NT5DC3: variants seen among roughly 807,000 people sequenced by gnomAD.
NT5DC3 encodes the protein 5'-nucleotidase domain-containing protein 3.
In NT5DC3, 42 loss-of-function variants were observed where a neutral mutation model predicts 67.8. That is an observed-to-expected ratio of 0.62 (90% CI 0.48 to 0.80). NT5DC3 has a LOEUF of 0.80. Among genes scored for constraint, NT5DC3 ranks in the 30% least tolerant of loss-of-function variants. The pLI is 0.00. For missense variants in NT5DC3, 570 were observed against 696.4 expected (o/e 0.82, Z 2.04); for synonymous variants, 237 against 255.6 (o/e 0.93, Z 0.69).
At chr12:103,798,164 G>C (rs1292365832) in intron 5 of NT5DC3, among the ~76,000 whole-genome samples, 1 of 152,138 alleles carries the variant, frequency 6.6e-6, no homozygotes, top group Non-Finnish European at 1.5e-5. Context: ...CAAAAATTCT[G>C]AGTGGAAAGA....
chr12:103,812,423 A>G (rs1887071796), intron 2 of NT5DC3, among the ~76,000 whole-genome samples: 1 of 152,134 alleles, frequency 6.6e-6, no homozygotes, highest in Non-Finnish European at 1.5e-5. Context: ...CAAAGCAACA[A>G]ACAGACATAA....
chr12:103,779,294 A>C lies in NT5DC3; in HGVS notation c.1394+1006T>G, dbSNP rs1461401091. ...ATCAACATCCCTATCATACAAACAC[A>C]GGATGTGCACTCTCTCTGATGGCTG... On this transcript the variant is annotated intron_variant, in intron 13 of 13. Coordinates refer to ENST00000392876, the MANE Select transcript of NT5DC3 (RefSeq NM_001031701.3). 2.6e-5 allele frequency among the ~76,000 whole-genome samples: 4 copies of C among 152,150 alleles called. No homozygotes were observed. In the East Asian group the frequency reaches 7.7e-4, roughly 29 times the overall value.
rs914552727 is a variant in NT5DC3, at chr12:103,785,585, G to A, written c.1189-110C>T. The A allele has an allele frequency of 2.6e-5, 28 of 1,094,638 alleles. No individual in the cohort carries two copies. The Middle Eastern group carries it at 5.9e-4, about 23-fold the overall frequency. 67.8% of individuals were successfully genotyped at this position (1,094,638 alleles called of 1,614,324 possible). On this transcript the variant is annotated intron_variant, in intron 11 of 13. Transcript: ENST00000392876. ...CATTTAATTACTTTTTGATGGTAATGGTTAGTTATTCACCAAGCTGAATTC... is the reference window on the plus strand; with the variant it reads ...CATTTAATTACTTTTTGATGGTAATAGTTAGTTATTCACCAAGCTGAATTC...
intron 1 of NT5DC3, among the ~76,000 whole-genome samples, chr12:103,827,612 C>T (rs1031170666): frequency 2.6e-5 from 4 of 152,280 alleles, no homozygotes; most frequent in African/African-American, 9.6e-5. Flanking sequence ...GTTTATACAT[C>T]ATTATCTTAT....
intron 12 of NT5DC3, among the ~76,000 whole-genome samples, chr12:103,781,733 A>ATTT (rs1885559699): frequency 6.6e-6 from 1 of 152,340 alleles, no homozygotes; most frequent in South Asian, 2.1e-4. Context: ...TTTCAAAGAC[A>ATTT]GTGTGTGTTC....
chr12:103,751,912 G>A, the NT5DC3 span, among the ~76,000 whole-genome samples: 1 of 152,154 alleles, frequency 6.6e-6, no homozygotes, highest in African/African-American at 2.4e-5. Context: ...CCATTAGCTT[G>A]GGAGAATGCC....
At chr12:103,791,455 T>G (rs1010332688) in intron 9 of NT5DC3, among the ~76,000 whole-genome samples, 2 of 152,146 alleles carry the variant, frequency 1.3e-5, no homozygotes, top group Non-Finnish European at 2.9e-5. Flanking sequence ...TTCCTCTGCA[T>G]GCTTCAAAAC....
the NT5DC3 span, chr12:103,748,944 C>T: frequency 2.5e-6 from 4 of 1,605,632 alleles, no homozygotes; most frequent in Non-Finnish European, 3.4e-6. Flanking sequence ...GTTGAGCCCT[C>T]TCTCCTCTGC....
chr12:103,750,590 G>A, the NT5DC3 span: 10 of 1,614,198 alleles, frequency 6.2e-6, no homozygotes, highest in Non-Finnish European at 7.6e-6. Flanking sequence ...GCAAGCACAA[G>A]TGTGAGTGTA....
intron 4 of NT5DC3, among the ~76,000 whole-genome samples, chr12:103,801,372 C>CTTTTTTT (rs869237844): frequency 3.8e-5 from 3 of 78,946 alleles, no homozygotes; most frequent in African/African-American, 5.4e-5. Flanking sequence ...TTGGGGTGGG[C>CTTTTTTT]TTTTTTTTTT....
In NT5DC3 at chr12:103,806,307, T is replaced by A; in HGVS notation, c.524+15A>T. On this transcript the variant is annotated intron_variant, in intron 4 of 13. Coordinates refer to ENST00000392876, the MANE Select transcript of NT5DC3 (RefSeq NM_001031701.3). ...TTACTTCACGTAAATTAAATGTATC[T>A]CCTCTTACTCTTACCTGTAGACAGT... The A allele has an allele frequency of 2.6e-6, 4 of 1,557,632 alleles. No homozygotes were observed. Among genetic ancestry groups the A allele is most frequent in the Non-Finnish European group, 3.5e-6 (4 of 1,128,718 alleles).
chr12:103,814,839 AAATGACTTC>A, intron 2 of NT5DC3, 89 bp downstream of exon 2: 1 of 793,824 alleles, frequency 1.3e-6, no homozygotes, highest in Non-Finnish European at 1.9e-6. Flanking sequence ...ACAATTTATT[AAATGACTTC>A]TCTGTGGCAG....
chr12:103,814,754 C>CT (rs922780336), intron 2 of NT5DC3, among the ~76,000 whole-genome samples, 183 bp downstream of exon 2: 4 of 152,072 alleles, frequency 2.6e-5, no homozygotes, highest in African/African-American at 4.8e-5. Flanking sequence ...CATCTAAAGA[C>CT]TTTTTTTAAA....
chr12:103,794,116 T>A, intron 6 of NT5DC3, 119 bp from the exon 7 acceptor site: 3 of 701,842 alleles, frequency 4.3e-6, no homozygotes, highest in Non-Finnish European at 7.4e-6. Context: ...ATCCAGGCCC[T>A]ACACAAAATC....
At chr12:103,785,218 T>C (rs1885713027) in intron 12 of NT5DC3, 117 bp downstream of exon 12, 3 of 942,522 alleles carry the variant, frequency 3.2e-6, no homozygotes, top group Non-Finnish European at 4.9e-6. Flanking sequence ...TATTCTACAG[T>C]CTACTGAAAA....
At chr12:103,828,696 CTTTTTATTT>C (rs1472942330) in intron 1 of NT5DC3, among the ~76,000 whole-genome samples, 1 of 136,352 alleles carries the variant, frequency 7.3e-6, no homozygotes, top group Non-Finnish European at 1.6e-5. Flanking sequence ...TTTTTTCTTT[CTTTTTATTT>C]TTTTTTTTTG....
chr12:103,796,165 G>C (rs1466639833), intron 6 of NT5DC3, among the ~76,000 whole-genome samples: 1 of 152,210 alleles, frequency 6.6e-6, no homozygotes, highest in Non-Finnish European at 1.5e-5. Context: ...CATCCCTTCT[G>C]GGCAACTACA....
chr12:103,840,733 C>T (rs1269329477), intron 1 of NT5DC3, among the ~76,000 whole-genome samples: 1 of 152,084 alleles, frequency 6.6e-6, no homozygotes, highest in African/African-American at 2.4e-5. Context: ...GGGAAAGGCG[C>T]GAGTTGTGAA....
chr12:103,794,472 C>G (rs1322658201), intron 6 of NT5DC3, among the ~76,000 whole-genome samples: 3 of 152,174 alleles, frequency 2.0e-5, no homozygotes, highest in Non-Finnish European at 4.4e-5. Context: ...TTTTCATAGG[C>G]AGCCCCTTGT....
Sources: allele counts gnomAD v4.1 joint callset (sites outside exome capture counted in the v4.1 genomes callset), GRCh38; gene constraint gnomAD v4.1.1; transcripts MANE v1.5; gene names NCBI Gene and HGNC (gene_info 2026-07-23, HGNC 2026-07-21).